Variants in RGS7BP observed in about 807,000 individuals in gnomAD.
RGS7BP encodes regulator of G protein signaling 7-binding protein.
In RGS7BP, 9 loss-of-function variants were observed where a neutral mutation model predicts 31.3. The ratio of observed to expected loss-of-function variants is 0.29; its 90% CI spans 0.17 to 0.50. The LOEUF is 0.50. RGS7BP is among the 20% of genes least tolerant of loss of function. RGS7BP has a pLI of 0.98. For synonymous variants in RGS7BP, 115 were observed against 120.1 expected, an observed-to-expected ratio of 0.96 and a Z score of 0.28; for missense variants, 274 against 322.0, an observed-to-expected ratio of 0.85 and a Z score of 1.14.
chr5:64,532,685 C>T lies in RGS7BP; in HGVS notation c.332+24808C>T, dbSNP rs547660778. The stretch of plus-strand genomic sequence containing the variant: ...AAAAGTTTCTCTAAATTCTTCAGTT[C>T]CTGGAAACTACCCTTACATTTAGTA... On this transcript the variant is annotated intron_variant, in intron 2 of 5. Transcript: ENST00000334025. Among the ~76,000 whole-genome samples, 10 of 152,266 alleles carry T rather than the reference C, an allele frequency of 6.6e-5. No individual in the cohort carries two copies. The East Asian group carries it at 1.5e-3, about 24-fold the overall frequency.
chr5:64,605,815 T>C (rs1294714684), intron 5 of RGS7BP, among the ~76,000 whole-genome samples: 1 of 151,604 alleles, frequency 6.6e-6, no homozygotes, highest in African/African-American at 2.4e-5. Context: ...ATTTATTCAC[T>C]TGTGAGAGAG....
chr5:64,575,017 AT>A (rs1373102375), intron 2 of RGS7BP, among the ~76,000 whole-genome samples: 1 of 152,098 alleles, frequency 6.6e-6, no homozygotes, highest in Non-Finnish European at 1.5e-5. Context: ...ATAAAGTATT[AT>A]TTTATCAACT....
Position 64,611,269 on chromosome 5 carries a change from A to C in RGS7BP, c.*2017A>C, listed in dbSNP as rs1254739204. 1 of 152,186 alleles carries C rather than the reference A, an allele frequency of 6.6e-6. No homozygotes were observed. The highest frequency in any genetic ancestry group is 1.9e-4 in the East Asian group (1 of 5,160). 9.4% of individuals were successfully genotyped at this position (152,186 alleles called of 1,614,324 possible). On this transcript the variant is annotated 3_prime_UTR_variant, in exon 6 of 6. Coordinates refer to ENST00000334025, the MANE Select transcript of RGS7BP (RefSeq NM_001029875.3). ...GTAGCCCAGTTTGGCAGCTCTCAGCACCTGCCTCTGCCCTCTCCTATACTT... is the reference window on the plus strand; with the variant it reads ...GTAGCCCAGTTTGGCAGCTCTCAGCCCCTGCCTCTGCCCTCTCCTATACTT...
chr5:64,602,970 G>T (rs1270880318), intron 5 of RGS7BP, among the ~76,000 whole-genome samples: 2 of 152,196 alleles, frequency 1.3e-5, no homozygotes, highest in African/African-American at 4.8e-5. Context: ...GAAGGCATAT[G>T]GGGAGATGAA....
intron 2 of RGS7BP, among the ~76,000 whole-genome samples, chr5:64,531,805 G>C (rs183673675): frequency 6.6e-6 from 1 of 152,272 alleles, no homozygotes; most frequent in East Asian, 1.9e-4. Flanking sequence ...GAATTAGAGA[G>C]AATTTTTCAA....
intron 2 of RGS7BP, among the ~76,000 whole-genome samples, chr5:64,534,548 T>A (rs1415619803): frequency 6.6e-6 from 1 of 151,828 alleles, no homozygotes; most frequent in Non-Finnish European, 1.5e-5. Context: ...GTGATGAGGA[T>A]GAGGGAAAGG....
At chr5:64,540,078 A>C (rs1231483388) in intron 2 of RGS7BP, among the ~76,000 whole-genome samples, 1 of 152,128 alleles carries the variant, frequency 6.6e-6, no homozygotes, top group Non-Finnish European at 1.5e-5. Context: ...ATTACTTATA[A>C]TATTATCTCC....
chr5:64,532,596 A>C (rs1039467827), intron 2 of RGS7BP, among the ~76,000 whole-genome samples: 2 of 152,210 alleles, frequency 1.3e-5, no homozygotes, highest in Non-Finnish European at 2.9e-5. Context: ...ATGATGATCT[A>C]GTTTTCTACT....
chr5:64,540,538 C>T (rs903054092), intron 2 of RGS7BP, among the ~76,000 whole-genome samples: 1 of 152,020 alleles, frequency 6.6e-6, no homozygotes, highest in Non-Finnish European at 1.5e-5. Flanking sequence ...CTACATAAAA[C>T]TTTATAAATA....
chr5:64,511,784 T>C (rs1748843443), intron 2 of RGS7BP, among the ~76,000 whole-genome samples: 1 of 152,204 alleles, frequency 6.6e-6, no homozygotes, highest in Non-Finnish European at 1.5e-5. Flanking sequence ...AGTGTCATCT[T>C]TTATGACCTT....
chr5:64,540,525 A>G (rs1309024555), intron 2 of RGS7BP, among the ~76,000 whole-genome samples: 1 of 152,214 alleles, frequency 6.6e-6, no homozygotes, highest in Non-Finnish European at 1.5e-5. Flanking sequence ...GTGTCAAATA[A>G]TCCTACATAA....
intron 5 of RGS7BP, among the ~76,000 whole-genome samples, chr5:64,600,877 T>C (rs1743199956): frequency 6.6e-6 from 1 of 152,180 alleles, no homozygotes; most frequent in Non-Finnish European, 1.5e-5. Flanking sequence ...AGAGGAAACC[T>C]GAAGAGTCTC....
intron 3 of RGS7BP, among the ~76,000 whole-genome samples, chr5:64,584,955 G>C (rs978376058): frequency 2.0e-5 from 3 of 152,118 alleles, no homozygotes; most frequent in South Asian, 2.1e-4. Context: ...AAACACAAGA[G>C]AGTAAAAGTG....
chr5:64,561,573 G>A (rs1287264290), intron 2 of RGS7BP, among the ~76,000 whole-genome samples: 1 of 152,118 alleles, frequency 6.6e-6, no homozygotes, highest in African/African-American at 2.4e-5. Context: ...CTCATTGTGA[G>A]AATTAAATGG....
At chr5:64,517,951 A>G (rs1749016629) in intron 2 of RGS7BP, among the ~76,000 whole-genome samples, 1 of 152,194 alleles carries the variant, frequency 6.6e-6, no homozygotes, top group Non-Finnish European at 1.5e-5. Context: ...CAAAGAAAAA[A>G]TTTCATCAAG....
At chr5:64,511,023 T>C (rs1266348294) in intron 2 of RGS7BP, among the ~76,000 whole-genome samples, 1 of 151,886 alleles carries the variant, frequency 6.6e-6, no homozygotes, top group African/African-American at 2.4e-5. Context: ...CCACAGGAGG[T>C]AGACAGGATT....
intron 2 of RGS7BP, among the ~76,000 whole-genome samples, chr5:64,508,823 A>G (rs1451738326): frequency 6.6e-6 from 1 of 152,210 alleles, no homozygotes; most frequent in Admixed American, 6.5e-5. Context: ...ACTTGTAGGA[A>G]GTATATCTAA....
intron 2 of RGS7BP, among the ~76,000 whole-genome samples, chr5:64,512,550 T>C (rs1748867642): frequency 6.6e-6 from 1 of 152,256 alleles, no homozygotes; most frequent in South Asian, 2.1e-4. Flanking sequence ...GGGACCAGAG[T>C]ATATGGCATT....
intron 2 of RGS7BP, among the ~76,000 whole-genome samples, chr5:64,532,242 A>G (rs1749388714): frequency 6.6e-6 from 1 of 152,116 alleles, no homozygotes; most frequent in Non-Finnish European, 1.5e-5. Context: ...TGATGTTATC[A>G]TTGCTTAAAT....
Sources: allele counts gnomAD v4.1 joint callset (sites outside exome capture counted in the v4.1 genomes callset), GRCh38; gene constraint gnomAD v4.1.1; transcripts MANE v1.5; gene names NCBI Gene and HGNC (gene_info 2026-07-23, HGNC 2026-07-21).